The following POLR3A variants were observed in gnomAD, a reference collection of about 807,000 sequenced individuals.
POLR3A encodes the protein DNA-directed RNA polymerase III subunit RPC1.
Under a neutral mutation model 152.8 loss-of-function variants are expected in POLR3A, and 112 were observed. That is an observed-to-expected ratio of 0.73 (90% CI 0.63 to 0.86). The LOEUF is 0.86. Among genes scored for constraint, POLR3A ranks in the 40% least tolerant of loss-of-function variants. The pLI is 0.00. For synonymous variants in POLR3A, 615 were observed against 652.1 expected (o/e 0.94, Z 0.87); for missense variants, 1,385 against 1,743.1 (o/e 0.79, Z 3.66).
In POLR3A at chr10:78,019,198, G is replaced by A. The variant is rs769415846; in HGVS notation, c.1253C>T (p.Ala418Val). Residue 418 changes from alanine (A) to valine (V), a missense_variant, in exon 9 of 31, where the codon GCA (alanine) becomes GTA (valine). Physicochemically the swap from Ala to Val is moderately conservative, Grantham distance 64. Around this residue, in one of 7 missense-constraint regions of POLR3A, gnomAD observed 493 missense variants for 647.5 expected, o/e 0.76. Transcript: ENST00000372371. ...VQNGPEVHPG[A>V]NFIQQRHTQM... ...CGTATGTCTCTGCTGAATGAAGTTT[G>A]CTCCTGGGTGAACCTCAGGGCCGTT... 1.2e-6 allele frequency: 2 copies of A among 1,613,864 alleles called. No individual in the cohort carries two copies. Among genetic ancestry groups the A allele is most frequent in the Non-Finnish European group, 1.7e-6 (2 of 1,179,836 alleles).
At chr10:77,997,580 T>C (rs1265856272) in intron 19 of POLR3A, among the ~76,000 whole-genome samples, 2 of 152,104 alleles carry the variant, frequency 1.3e-5, no homozygotes, top group Non-Finnish European at 2.9e-5. Flanking sequence ...ATAAAATACC[T>C]AGGAATCCAA....
intron 7 of POLR3A, 77 bp from the exon 8 acceptor site, chr10:78,021,759 A>C: frequency 6.2e-7 from 1 of 1,609,628 alleles, no homozygotes; most frequent in Admixed American, 1.7e-5. Flanking sequence ...GGAGAGACTG[A>C]GGAAAGCCTG....
In POLR3A at chr10:78,009,647, A is replaced by G. The variant is rs775653574; in HGVS notation, c.1799T>C (p.Ile600Thr). The G allele has an allele frequency of 6.2e-7, 1 of 1,614,134 alleles. No individual in the cohort carries two copies. Among genetic ancestry groups the G allele is most frequent in the Admixed American group, 1.7e-5 (1 of 60,026 alleles). The change falls in exon 14 of 31, where the codon ATC becomes ACC. Residue 600 changes from isoleucine to threonine, a missense_variant. By Grantham distance (89) the Ile-to-Thr change is moderately conservative. Transcript: ENST00000372371. ...KPVTLWTGKQ[I>T]FSVILRPSDD... is the part of the protein sequence containing the mutation. ...GCTAGGCCTGAGGATGACACTGAAG[A>G]TCTGCTTTCCCGTCCACAGGGTGAC...
rs373675568 is a variant in POLR3A at position 78,009,574 on chromosome 10, G to A, written c.1872C>T (p.Tyr624=). 7 of 1,614,192 alleles carry A rather than the reference G, an allele frequency of 4.3e-6. 1 individual carries two copies. The Admixed American group carries it at 1.2e-4, about 27-fold the overall frequency. ...CACAGAGATCTTCCCCTTTGCCACA[G>A]TACTGCTTGCCCTTGGTTCGCAGGT... The part of the protein sequence containing the change: ...RANLRTKGKQ[Y]CGKGEDLCAN... Residue 624 remains tyrosine (Y), a synonymous_variant, in exon 14 of 31, where the codon TAC becomes TAT. Coordinates refer to ENST00000372371, the MANE Select transcript of POLR3A (RefSeq NM_007055.4).
At chr10:77,979,096 C>T (rs748696912) in intron 30 of POLR3A, among the ~76,000 whole-genome samples, 2 of 152,208 alleles carry the variant, frequency 1.3e-5, no homozygotes, top group East Asian at 1.9e-4. Context: ...AATAGCAACA[C>T]CATGCCCGCT....
At chr10:77,981,758 C>T (rs1401584211) in intron 28 of POLR3A, among the ~76,000 whole-genome samples, 199 bp from the exon 29 acceptor site, 10 of 151,550 alleles carry the variant, frequency 6.6e-5, no homozygotes, top group Non-Finnish European at 1.5e-4. Context: ...GGCACAGTGG[C>T]TCATGCCTGT....
chr10:78,026,312 A>T, intron 1 of POLR3A, 83 bp from the exon 2 acceptor site: 1 of 1,398,380 alleles, frequency 7.2e-7, no homozygotes, highest in Non-Finnish European at 1.0e-6. Flanking sequence ...ACCATAACCA[A>T]CCTATCCTTC....
intron 11 of POLR3A, among the ~76,000 whole-genome samples, chr10:78,010,989 C>A (rs1847461632): frequency 6.6e-6 from 1 of 152,146 alleles, no homozygotes; most frequent in Non-Finnish European, 1.5e-5. Flanking sequence ...GGACTACAGG[C>A]CCACATCATC....
chr10:78,008,080 T>C (rs1847428713), intron 14 of POLR3A, among the ~76,000 whole-genome samples: 1 of 152,172 alleles, frequency 6.6e-6, no homozygotes, highest in Non-Finnish European at 1.5e-5. Flanking sequence ...AGTTAGTGTG[T>C]AGTCCTAACC....
At chr10:77,997,156 G>A (rs1183748448) in intron 19 of POLR3A, among the ~76,000 whole-genome samples, 1 of 152,066 alleles carries the variant, frequency 6.6e-6, no homozygotes, top group East Asian at 1.9e-4. Context: ...TTGATGGGAT[G>A]TATCTCAAAA....
At chr10:78,008,743 C>T (rs1847434518) in intron 14 of POLR3A, among the ~76,000 whole-genome samples, 1 of 151,896 alleles carries the variant, frequency 6.6e-6, no homozygotes, top group South Asian at 2.1e-4. Context: ...GGTGAGGTGG[C>T]TCACACCTGT....
chr10:78,015,197 A>G (rs374098782), intron 10 of POLR3A, among the ~76,000 whole-genome samples: 29 of 152,356 alleles, frequency 1.9e-4, no homozygotes, highest in African/African-American at 6.5e-4. Context: ...AATGACACAG[A>G]TATGGGTTCA....
At chr10:78,006,365 C>G (rs1430618598) in intron 15 of POLR3A, among the ~76,000 whole-genome samples, 24 of 138,140 alleles carry the variant, frequency 1.7e-4, no homozygotes, top group Non-Finnish European at 1.7e-4. Context: ...TCACTGCACT[C>G]CAGCCTGGCG....
At chr10:78,026,001 T>C in intron 2 of POLR3A, 93 bp downstream of exon 2, 3 of 1,508,038 alleles carry the variant, frequency 2.0e-6, no homozygotes, top group Admixed American at 1.7e-5. Context: ...ATTGAGGAGA[T>C]GGAAGGAAGC....
At chr10:78,021,501 G>C (rs1246056372) in intron 8 of POLR3A, 45 bp downstream of exon 8, 1 of 1,606,100 alleles carries the variant, frequency 6.2e-7, no homozygotes, top group Non-Finnish European at 8.5e-7. Flanking sequence ...TAACGTAAAA[G>C]ACTGAATTTA....
At chr10:77,982,387 C>T in intron 27 of POLR3A, 69 bp from the exon 28 acceptor site, 2 of 1,441,250 alleles carry the variant, frequency 1.4e-6, no homozygotes, top group African/African-American at 1.4e-5. Flanking sequence ...ACCTTGATCA[C>T]CCCAGCTTTC....
Position 77,977,485 on chromosome 10 carries a change from A to G in POLR3A, c.4166T>C (p.Val1389Ala), listed in dbSNP as rs1847100186. The G allele has an allele frequency of 1.2e-6, 2 of 1,613,968 alleles. No individual in the cohort carries two copies. Among genetic ancestry groups the G allele is most frequent in the Non-Finnish European group, 1.7e-6 (2 of 1,179,990 alleles). Reference sequence around the variant, plus strand: ...GTCCCCTCTTTCTTTGGACTATGTGACAAGGGGGATGTGGAATTCATTTGT... The same window carrying G: ...GTCCCCTCTTTCTTTGGACTATGTGGCAAGGGGGATGTGGAATTCATTTGT... Reference protein sequence around the residue: ...FDTNEFHIPLVT With the variant: ...FDTNEFHIPLAT The change falls in exon 31 of 31, where the codon GTC (valine) becomes GCC (alanine). Residue 1389 changes from valine (V) to alanine (A), a missense_variant. This residue lies in a region of POLR3A where 332 missense variants were observed against 400.1 expected (regional missense o/e 0.83). Coordinates refer to ENST00000372371, the MANE Select transcript of POLR3A (RefSeq NM_007055.4).
chr10:77,992,946 C>T (rs928874501), intron 20 of POLR3A, among the ~76,000 whole-genome samples: 2 of 151,788 alleles, frequency 1.3e-5, no homozygotes, highest in Admixed American at 6.6e-5. Context: ...AAACTCCTGG[C>T]CTCAAGTGAT....
chr10:78,019,321 T>C, intron 8 of POLR3A, 56 bp from the exon 9 acceptor site: 2 of 1,137,500 alleles, frequency 1.8e-6, no homozygotes, highest in South Asian at 1.2e-5. Context: ...AACTAACAAA[T>C]GATACTGAAA....
Sources: allele counts gnomAD v4.1 joint callset (sites outside exome capture counted in the v4.1 genomes callset), GRCh38; gene constraint gnomAD v4.1.1; regional missense constraint gnomAD v4.1.1; transcripts MANE v1.5; gene names NCBI Gene and HGNC (gene_info 2026-07-23, HGNC 2026-07-21).